Variants in ITGAV observed in about 807,000 individuals in gnomAD.
The protein encoded by ITGAV is integrin alpha-V.
In ITGAV, 76 loss-of-function variants were observed where a neutral mutation model predicts 143.8. The observed-to-expected ratio is 0.53, with a 90% CI of 0.44 to 0.64. ITGAV has a LOEUF of 0.64. Among genes scored for constraint, ITGAV ranks in the 30% least tolerant of loss-of-function variants. ITGAV has a pLI of 0.00. For missense variants in ITGAV, 1,193 were observed against 1,274.7 expected, an observed-to-expected ratio of 0.94 and a Z score of 0.98; for synonymous variants, 453 against 446.7, an observed-to-expected ratio of 1.01 and a Z score of -0.18.
intron 14 of ITGAV, among the ~76,000 whole-genome samples, chr2:186,651,605 A>G (rs185075996): frequency 3.3e-5 from 5 of 152,064 alleles, no homozygotes; most frequent in East Asian, 3.9e-4. Context: ...CACTAAAACT[A>G]TATGTTGGTT....
At chr2:186,663,653 T>A in intron 18 of ITGAV, 115 bp from the exon 19 acceptor site, 1 of 661,734 alleles carries the variant, frequency 1.5e-6, no homozygotes, top group South Asian at 2.2e-5. Flanking sequence ...CTGATGAGTA[T>A]CTGAAAATAT....
chr2:186,643,259 A>C (rs370639545), intron 12 of ITGAV, among the ~76,000 whole-genome samples: 1 of 152,202 alleles, frequency 6.6e-6, no homozygotes, highest in Non-Finnish European at 1.5e-5. Context: ...TGTCAGTAGA[A>C]CAAATATAGA....
At chr2:186,643,839 A>G (rs952257584) in intron 12 of ITGAV, among the ~76,000 whole-genome samples, 7 of 152,254 alleles carry the variant, frequency 4.6e-5, no homozygotes, top group Admixed American at 1.3e-4. Context: ...GATGATTAAC[A>G]TGTATAAAAT....
rs112911535 is a variant in ITGAV, at chr2:186,675,632, T to G, written c.2735T>G (p.Ile912Ser). 8 of 1,613,938 alleles carry G rather than the reference T, an allele frequency of 5.0e-6. No homozygotes were observed. In the South Asian group the frequency reaches 7.7e-5, roughly 16 times the overall value. ...LGCGVAQCLK[I>S]VCQVGRLDRG... ...TGTGGAGTTGCTCAGTGCTTGAAGA[T>G]TGTCTGCCAAGTTGGGAGATTAGAC... The change falls in exon 27 of 30, where the codon ATT becomes AGT. Residue 912 changes from isoleucine (I) to serine (S), a missense_variant. By Grantham distance (142) the Ile-to-Ser change is moderately radical (BLOSUM62 -2). Coordinates refer to ENST00000261023, the MANE Select transcript of ITGAV (RefSeq NM_002210.5).
At chr2:186,639,625 C>T (rs61765179) in intron 10 of ITGAV, among the ~76,000 whole-genome samples, 2,109 of 152,210 alleles carry the variant, frequency 0.014, 56 homozygotes, top group African/African-American at 0.047. Flanking sequence ...GAGTGGGAAG[C>T]GTGGCTTTTA....
chr2:186,603,848 C>A lies in ITGAV; in HGVS notation c.316+1697C>A, dbSNP rs1486729296. The stretch of plus-strand genomic sequence containing the variant: ...GAAACATACAACTCACATCAGTCTT[C>A]TCAGAAGCAATCACTTTTTTTTTTT... On this transcript the variant is annotated intron_variant, in intron 2 of 29. Coordinates refer to ENST00000261023, the MANE Select transcript of ITGAV (RefSeq NM_002210.5). 2.0e-5 allele frequency among the ~76,000 whole-genome samples: 3 copies of A among 151,686 alleles called. No homozygotes were observed. In the South Asian group the frequency reaches 6.3e-4, roughly 32 times the overall value.
intron 2 of ITGAV, among the ~76,000 whole-genome samples, chr2:186,603,398 A>G (rs6735503): frequency 0.99 from 151,272 of 152,328 alleles, 75,119 homozygotes; most frequent in Middle Eastern, 1. Flanking sequence ...TGCCAAAATG[A>G]TTGTTAGTCA....
chr2:186,655,177 T>C (rs1311976196), intron 16 of ITGAV, among the ~76,000 whole-genome samples: 2 of 152,184 alleles, frequency 1.3e-5, no homozygotes, highest in Non-Finnish European at 1.5e-5. Context: ...CTTCTTTTCC[T>C]AAAATGGTTG....
In ITGAV at chr2:186,590,163, G is replaced by A; in HGVS notation, c.-176G>A. 2.1e-6 allele frequency: 1 copy of A among 475,296 alleles called. No homozygotes were observed. The highest frequency in any genetic ancestry group is 3.5e-6 in the Non-Finnish European group (1 of 288,644). The allele number at this position is 475,296 out of a possible 1,614,324, so 29.4% of individuals were successfully genotyped here. ...CGCTCTGCGCCCCTCGTCCCTGGCG[G>A]TCGCTCCGAAGCTCAGCCCTCTTGC... is the stretch of plus-strand genomic sequence containing the variant. On this transcript the variant is annotated 5_prime_UTR_variant, in exon 1 of 30. Transcript: ENST00000261023.
intron 8 of ITGAV, 88 bp from the exon 9 acceptor site, chr2:186,638,189 C>T: frequency 8.4e-7 from 1 of 1,190,862 alleles, no homozygotes; most frequent in Non-Finnish European, 1.2e-6. Context: ...AGTAGTAAAA[C>T]TTAAAGCTTG....
intron 2 of ITGAV, among the ~76,000 whole-genome samples, chr2:186,620,102 C>G (rs763203226): frequency 6.6e-6 from 1 of 152,138 alleles, no homozygotes; most frequent in African/African-American, 2.4e-5. Context: ...TCAAGATTAC[C>G]CACTCTTCTG....
chr2:186,619,215 G>T (rs200441999), intron 2 of ITGAV, among the ~76,000 whole-genome samples: 1 of 151,646 alleles, frequency 6.6e-6, no homozygotes, highest in African/African-American at 2.4e-5. Context: ...ACGTGTCTGT[G>T]TTCAGCCATA....
chr2:186,623,969 C>T (rs1256780372), intron 3 of ITGAV, among the ~76,000 whole-genome samples: 3 of 152,114 alleles, frequency 2.0e-5, no homozygotes, highest in African/African-American at 7.2e-5. Context: ...AGCATTTTAC[C>T]TTCTTGATTA....
At chr2:186,597,137 G>C (rs377200913) in intron 1 of ITGAV, among the ~76,000 whole-genome samples, 123 of 152,254 alleles carry the variant, frequency 8.1e-4, no homozygotes, top group African/African-American at 2.8e-3. Flanking sequence ...CTTGTTCCTG[G>C]TATTATTCAA....
chr2:186,616,991 A>T (rs558589998), intron 2 of ITGAV, among the ~76,000 whole-genome samples: 23 of 151,814 alleles, frequency 1.5e-4, no homozygotes, highest in African/African-American at 4.8e-4. Context: ...TTGTCTATGA[A>T]TGCAGGGTGG....
rs1045336352 is a variant in ITGAV at position 186,679,021 on chromosome 2, G to T, written c.*1729G>T. On this transcript the variant is annotated 3_prime_UTR_variant, in exon 30 of 30. Coordinates refer to ENST00000261023, the MANE Select transcript of ITGAV (RefSeq NM_002210.5). ...CTTTAGTGAATTTCAAAAGTAATGG[G>T]TCTTGGAGTATAGATTTTTATTAGT... 5 of 176,912 alleles carry T rather than the reference G, an allele frequency of 2.8e-5. No individual in the cohort carries two copies. Among genetic ancestry groups the T allele is most frequent in the Admixed American group, 2.4e-4 (4 of 16,360 alleles). The allele number at this position is 176,912 out of a possible 1,614,324, so 11.0% of individuals were successfully genotyped here.
At chr2:186,635,599 A>G (rs1687927128) in intron 6 of ITGAV, among the ~76,000 whole-genome samples, 1 of 152,242 alleles carries the variant, frequency 6.6e-6, no homozygotes. Flanking sequence ...TTGTGTAGTC[A>G]TCTAGATTTC....
At chr2:186,631,518 G>T (rs1424040384) in intron 5 of ITGAV, among the ~76,000 whole-genome samples, 1 of 151,830 alleles carries the variant, frequency 6.6e-6, no homozygotes, top group Non-Finnish European at 1.5e-5. Context: ...TATTTATTTT[G>T]GTGGTGGGGG....
intron 2 of ITGAV, among the ~76,000 whole-genome samples, chr2:186,606,704 A>G (rs1392941533): frequency 6.6e-6 from 1 of 152,100 alleles, no homozygotes; most frequent in East Asian, 1.9e-4. Flanking sequence ...TTAGTCAGTC[A>G]CATCTTTCTC....
Sources: gnomAD v4.1 joint callset for allele counts (sites outside exome capture counted in the v4.1 genomes callset) on GRCh38, gnomAD v4.1.1 for gene constraint, MANE v1.5 for transcripts, NCBI Gene and HGNC (gene_info 2026-07-23, HGNC 2026-07-21) for gene names.